The following PGM5 variants were observed in gnomAD, a reference collection of about 807,000 sequenced individuals.
PGM5 encodes phosphoglucomutase-like protein 5.
Under a neutral mutation model 59.2 loss-of-function variants are expected in PGM5, and 23 were observed. The ratio of observed to expected loss-of-function variants is 0.39; its 90% CI spans 0.28 to 0.55. PGM5 has a LOEUF of 0.55. PGM5 is among the 20% of genes least tolerant of loss of function. The pLI, the probability that PGM5 is intolerant of heterozygous loss-of-function variation, is 0.66. For synonymous variants in PGM5, 214 were observed against 286.0 expected (o/e 0.75, Z 2.54); for missense variants, 574 against 748.3 (o/e 0.77, Z 2.72).
chr9:68,484,069 AC>A (rs782667641), intron 9 of PGM5, 21 bp downstream of exon 9: 1 of 1,608,066 alleles, frequency 6.2e-7, no homozygotes, highest in East Asian at 2.2e-5. Context: ...GGAAATCACT[AC>A]AACGGGTTAT....
chr9:68,455,401 C>T (rs1270675048), intron 6 of PGM5, among the ~76,000 whole-genome samples: 1 of 151,788 alleles, frequency 6.6e-6, no homozygotes, highest in Non-Finnish European at 1.5e-5. Flanking sequence ...AGAACCATAC[C>T]CAGGACTGAT....
chr9:68,435,659 C>G (rs1554683319), intron 6 of PGM5, among the ~76,000 whole-genome samples: 1 of 152,038 alleles, frequency 6.6e-6, no homozygotes, highest in African/African-American at 2.4e-5. Context: ...TTTGTTTATC[C>G]ATTTGTCCAT....
At chr9:68,372,532 C>G (rs1206971403) in intron 1 of PGM5, among the ~76,000 whole-genome samples, 1 of 152,086 alleles carries the variant, frequency 6.6e-6, no homozygotes, top group Admixed American at 6.6e-5. Flanking sequence ...AGTAGGCACT[C>G]TGCAGTGGCC....
intron 1 of PGM5, among the ~76,000 whole-genome samples, chr9:68,366,959 T>A (rs542224123): frequency 6.2e-4 from 95 of 152,340 alleles, no homozygotes; most frequent in Non-Finnish European, 1.1e-3. Flanking sequence ...CGCCTGCTGA[T>A]GTGGTGATCA....
At chr9:68,366,365 A>T (rs1282247950) in intron 1 of PGM5, among the ~76,000 whole-genome samples, 1 of 152,262 alleles carries the variant, frequency 6.6e-6, no homozygotes, top group African/African-American at 2.4e-5. Context: ...AAAATAAAGG[A>T]TATAAATTTA....
intron 10 of PGM5, among the ~76,000 whole-genome samples, chr9:68,504,330 T>C (rs1038809281): frequency 3.9e-5 from 6 of 152,188 alleles, no homozygotes; most frequent in Non-Finnish European, 8.8e-5. Context: ...TCCTAAAACA[T>C]GTTAGACCAC....
At chr9:68,486,617 C>G (rs948247198) in intron 9 of PGM5, among the ~76,000 whole-genome samples, 1 of 152,184 alleles carries the variant, frequency 6.6e-6, no homozygotes, top group East Asian at 1.9e-4. Flanking sequence ...AGTACTTATT[C>G]CTTTTATTAC....
At chr9:68,487,429 T>TTCTCTCTC (rs147613742) in intron 9 of PGM5, among the ~76,000 whole-genome samples, 16 of 119,048 alleles carry the variant, frequency 1.3e-4, no homozygotes, top group African/African-American at 1.9e-4. Context: ...GATACAACTA[T>TTCTCTCTC]TCTCTCTCTC....
intron 6 of PGM5, chr9:68,399,121 G>C (rs1224700988): frequency 2.6e-5 from 4 of 152,024 alleles, no homozygotes; most frequent in Non-Finnish European, 4.4e-5. Context: ...AGATCCTCTT[G>C]ATGGCTGTAC....
At chr9:68,423,835 CTCCTTTCCTCCTT>C (rs1217040377) in intron 6 of PGM5, among the ~76,000 whole-genome samples, 3 of 152,154 alleles carry the variant, frequency 2.0e-5, no homozygotes, top group Admixed American at 6.5e-5. Context: ...ATTCCCTCCC[CTCCTTTCCTCCTT>C]GCAATGGAAG....
chr9:68,364,896 AT>A (rs528017501), intron 1 of PGM5, among the ~76,000 whole-genome samples: 4,328 of 151,448 alleles, frequency 0.029, 98 homozygotes, highest in Non-Finnish European at 0.041. Flanking sequence ...CCCAGATGGC[AT>A]TTTTAACTAA....
chr9:68,508,138 C>T (rs1460480798), intron 10 of PGM5, among the ~76,000 whole-genome samples: 2 of 152,184 alleles, frequency 1.3e-5, no homozygotes, highest in Admixed American at 1.3e-4. Flanking sequence ...CCGTGAACCA[C>T]TCATGTTAAT....
Position 68,387,555 on chromosome 9 carries a change from C to A in PGM5, c.664C>A (p.Gln222Lys). 6.2e-7 allele frequency: 1 copy of A among 1,612,194 alleles called. No homozygotes were observed. The highest frequency in any genetic ancestry group is 8.5e-7 in the Non-Finnish European group (1 of 1,178,642). ...AIKGLLTGPS[Q>K]LKIRIDAMHG... ...CAAGGGTTTGCTGACTGGACCCAGC[C>A]AACTGAAGATTCGCATTGACGCAAT... The change falls in exon 4 of 11, where the codon CAA becomes AAA. Residue 222 changes from glutamine to lysine, a missense_variant. Physicochemically the swap from Gln to Lys is moderately conservative, Grantham distance 53 (BLOSUM62 1). Coordinates refer to ENST00000396396, the MANE Select transcript of PGM5 (RefSeq NM_021965.4).
rs71353048 is a variant in PGM5, at chr9:68,376,765, A to ATTTCTTTCTTTC, written c.262-1376_262-1365dup. On this transcript the variant is annotated intron_variant, in intron 1 of 10. Transcript: ENST00000396396. Reference sequence around the variant, plus strand: ...CCTTGGGTGGGCCTTGAGGTTCTGCATTTCTTTCTTTCTTTCTTTCTTTCT... The same window carrying ATTTCTTTCTTTC: ...CCTTGGGTGGGCCTTGAGGTTCTGCATTTCTTTCTTTCTTTCTTTCTTTCTTTCTTTCTTTCT... Among the ~76,000 whole-genome samples the ATTTCTTTCTTTC allele has an allele frequency of 3.3e-3, 320 of 96,794 alleles. 5 individuals carry two copies. The highest frequency in any genetic ancestry group is 0.01 in the Middle Eastern group (2 of 196). 63.5% of individuals were successfully genotyped at this position (96,794 alleles called of 152,430 possible).
chr9:68,427,351 G>A (rs1404781893), intron 6 of PGM5, among the ~76,000 whole-genome samples: 7 of 152,178 alleles, frequency 4.6e-5, no homozygotes, highest in Non-Finnish European at 1.0e-4. Flanking sequence ...AGGGGCCTCT[G>A]CAATGTTATT....
At position 68,468,506 on chromosome 9, in the gene PGM5, C is replaced by T. The variant is rs7039753; in HGVS notation, c.1159+3298C>T. On this transcript the variant is annotated intron_variant, in intron 7 of 10. Transcript: ENST00000396396. ...AATATTCCATGTGTAAGCCATGTTA[C>T]GCTTTTAGTAATAAGTATTTGCCTA... Among the ~76,000 whole-genome samples the T allele has an allele frequency of 8.0e-3, 1,225 of 152,242 alleles. 12 individuals are homozygous for T. The highest frequency in any genetic ancestry group is 0.028 in the African/African-American group (1,180 of 41,542).
intron 10 of PGM5, among the ~76,000 whole-genome samples, chr9:68,525,868 A>G (rs952944445): frequency 1.2e-4 from 19 of 152,172 alleles, no homozygotes; most frequent in African/African-American, 4.3e-4. Context: ...CGTCCTGGCT[A>G]ACACTGTGAA....
intron 5 of PGM5, among the ~76,000 whole-genome samples, 199 bp downstream of exon 5, chr9:68,391,923 G>A (rs2491892): frequency 8.6e-5 from 13 of 152,038 alleles, no homozygotes; most frequent in African/African-American, 2.7e-4. Flanking sequence ...CCAGATTTAC[G>A]TTATGGCATA....
At chr9:68,515,964 G>A (rs759660880) in intron 10 of PGM5, among the ~76,000 whole-genome samples, 30 of 152,180 alleles carry the variant, frequency 2.0e-4, no homozygotes, top group African/African-American at 6.5e-4. Context: ...TGCTTGCCCC[G>A]TATGGGGGCT....
Sources: allele counts gnomAD v4.1 joint callset (sites outside exome capture counted in the v4.1 genomes callset), GRCh38; gene constraint gnomAD v4.1.1; transcripts MANE v1.5; gene names NCBI Gene and HGNC (gene_info 2026-07-23, HGNC 2026-07-21).